Variants in OSMR observed in about 807,000 individuals in gnomAD.
OSMR encodes the protein oncostatin-M-specific receptor subunit beta.
Under a neutral mutation model 99.9 loss-of-function variants are expected in OSMR, and 81 were observed. The observed-to-expected ratio is 0.81, with a 90% CI of 0.68 to 0.97. OSMR has a LOEUF of 0.97. OSMR is among the 50% of genes least tolerant of loss of function. OSMR has a pLI of 0.00. For synonymous variants in OSMR, 406 were observed against 410.4 expected (o/e 0.99, Z 0.13); for missense variants, 1,099 against 1,153.4 (o/e 0.95, Z 0.68).
Position 38,856,422 on chromosome 5 carries a change from C to T in OSMR, c.-14+10035C>T, listed in dbSNP as rs368152039. 9.2e-5 allele frequency among the ~76,000 whole-genome samples: 14 copies of T among 152,282 alleles called. No individual in the cohort carries two copies. The South Asian group carries it at 2.9e-3, about 32-fold the overall frequency. ...TCCTCAGGTGGCCTGGGGCCTGAAA[C>T]ACAGGGGGTGGCCTTGTCCAGTCCC... On this transcript the variant is annotated intron_variant, in intron 1 of 17. Transcript: ENST00000274276.
chr5:38,923,291 C>A, intron 13 of OSMR, 37 bp downstream of exon 13: 2 of 1,261,182 alleles, frequency 1.6e-6, no homozygotes, highest in Non-Finnish European at 2.3e-6. Context: ...CATGTGCAGA[C>A]TTGTTCAGAA....
chr5:38,853,033 A>G (rs1410486515), intron 1 of OSMR, among the ~76,000 whole-genome samples: 2 of 152,056 alleles, frequency 1.3e-5, no homozygotes, highest in Admixed American at 6.5e-5. Flanking sequence ...GCCCGGCCCT[A>G]TTGTTTTCAT....
chr5:38,944,047 A>T (rs1326263890), intron 1 of OSMR, among the ~76,000 whole-genome samples: 1 of 152,204 alleles, frequency 6.6e-6, no homozygotes, highest in African/African-American at 2.4e-5. Context: ...ATTAACTACT[A>T]TATTAGAAAT....
chr5:38,886,291 C>T (rs1384267666), intron 7 of OSMR, 101 bp downstream of exon 7: 41 of 1,597,384 alleles, frequency 2.6e-5, no homozygotes, highest in Admixed American at 1.7e-5. Context: ...GCCTCATTCA[C>T]AGCGGAGGTG....
In OSMR at chr5:38,904,362, T is replaced by A. The variant is rs1745093378; in HGVS notation, c.1144T>A (p.Ser382Thr). Residue 382 changes from serine to threonine, a missense_variant, in exon 9 of 18, where the codon TCC becomes ACC. By Grantham distance (58) the Ser-to-Thr change is moderately conservative. Coordinates refer to ENST00000274276, the MANE Select transcript of OSMR (RefSeq NM_003999.3). ...TTTTTTGATCAAGCAGTACAATGTTTCCATCAAGGTGAACGGTGAGTACTT... is the reference window on the plus strand; with the variant it reads ...TTTTTTGATCAAGCAGTACAATGTTACCATCAAGGTGAACGGTGAGTACTT... The part of the protein sequence containing the change: ...GEGKMMQYNV[S>T]IKVNGEYFLS... The A allele has an allele frequency of 6.2e-7, 1 of 1,613,882 alleles. No homozygotes were observed. Among genetic ancestry groups the A allele is most frequent in the African/African-American group, 1.3e-5 (1 of 74,924 alleles).
At chr5:38,880,480 T>C (rs1743191930) in intron 3 of OSMR, among the ~76,000 whole-genome samples, 1 of 152,216 alleles carries the variant, frequency 6.6e-6, no homozygotes, top group African/African-American at 2.4e-5. Context: ...GGGACCATGC[T>C]AGAGTCACAG....
Position 38,881,671 on chromosome 5 carries a change from A to G in OSMR, c.325A>G (p.Thr109Ala), listed in dbSNP as rs1276951860. 1 of 1,614,240 alleles carries G rather than the reference A, an allele frequency of 6.2e-7. No individual in the cohort carries two copies. Among genetic ancestry groups the G allele is most frequent in the South Asian group, 1.1e-5 (1 of 91,078 alleles). The change falls in exon 4 of 18, where the codon ACA (threonine) becomes GCA (alanine). Residue 109 changes from threonine to alanine, a missense_variant. Transcript: ENST00000274276. ...ATCTGAGCTCCCTTTGGAATGTGCC[A>G]CACACTTTGTAAGAATAAAGAGTTT... ...WESELPLECATHFVRIKSLVD... is the reference protein window; with the variant it reads ...WESELPLECAAHFVRIKSLVD...
At chr5:38,922,433 G>A (rs997903864) in intron 12 of OSMR, among the ~76,000 whole-genome samples, 4 of 152,204 alleles carry the variant, frequency 2.6e-5, no homozygotes, top group African/African-American at 9.7e-5. Context: ...GGGAAATGAG[G>A]AAGTGGAAGC....
downstream of OSMR, among the ~76,000 whole-genome samples, chr5:38,936,661 C>CTGTT (rs927640869): frequency 6.6e-6 from 1 of 152,170 alleles, no homozygotes; most frequent in African/African-American, 2.4e-5. Context: ...TCTAAGAGTT[C>CTGTT]TGTTGAAAGA....
rs956927686 is a variant in OSMR, at chr5:38,886,356, C to T, written c.991+166C>T. ...CCACGTTTCTCCTCATGGATGCACG[C>T]ATCCCCTATTATTTGTTTCTTTTAA... On this transcript the variant is annotated intron_variant, in intron 7 of 17. Coordinates refer to ENST00000274276, the MANE Select transcript of OSMR (RefSeq NM_003999.3). 5 of 1,442,178 alleles carry T rather than the reference C, an allele frequency of 3.5e-6. No individual in the cohort carries two copies. The Admixed American group carries it at 1.1e-4, about 32-fold the overall frequency. The allele number at this position is 1,442,178 out of a possible 1,614,324, so 89.3% of individuals were successfully genotyped here.
chr5:38,870,741 GA>G (rs1251805789), intron 2 of OSMR, among the ~76,000 whole-genome samples: 1 of 152,226 alleles, frequency 6.6e-6, no homozygotes, highest in East Asian at 1.9e-4. Flanking sequence ...TGCAGTGGCA[GA>G]AGTGAGCAGG....
intron 7 of OSMR, 40 bp from the exon 8 acceptor site, chr5:38,903,842 A>G (rs532908903): frequency 4.4e-6 from 7 of 1,588,874 alleles, no homozygotes; most frequent in East Asian, 2.2e-5. Flanking sequence ...TTTTGGATCT[A>G]TGCTTGAATT....
intron 9 of OSMR, among the ~76,000 whole-genome samples, chr5:38,908,699 A>C (rs1745395253): frequency 6.6e-6 from 1 of 152,180 alleles, no homozygotes; most frequent in Admixed American, 6.5e-5. Flanking sequence ...AGTCAACTGA[A>C]CCCATCTTAT....
At chr5:38,924,310 A>G in intron 13 of OSMR, 112 bp from the exon 14 acceptor site, 1 of 1,567,870 alleles carries the variant, frequency 6.4e-7, no homozygotes, top group Non-Finnish European at 8.6e-7. Context: ...TTAACTTGGC[A>G]TAAGCTGTTA....
In OSMR at chr5:38,876,212, C is replaced by A. The variant is rs200962324; in HGVS notation, c.85C>A (p.Arg29Ser). 6.2e-7 allele frequency: 1 copy of A among 1,612,380 alleles called. No individual in the cohort carries two copies. Among genetic ancestry groups the A allele is most frequent in the South Asian group, 1.1e-5 (1 of 91,004 alleles). The change falls in exon 3 of 18, where the codon CGT (arginine) becomes AGT (serine). Residue 29 changes from arginine to serine, a missense_variant. Physicochemically the swap from Arg to Ser is moderately radical, Grantham distance 110. Coordinates refer to ENST00000274276, the MANE Select transcript of OSMR (RefSeq NM_003999.3). ...RTYQSEVLAE[R>S]LPLTPVSLKV... ...TTTGATCTTTTCAGTCTTGGCTGAA[C>A]GTTTACCATTGACTCCTGTATCACT...
chr5:38,919,588 G>C (rs1746128653), intron 11 of OSMR: 1 of 310,464 alleles, frequency 3.2e-6, no homozygotes, highest in Non-Finnish European at 6.2e-6. Context: ...AAACAAGGTG[G>C]AATGCCCTTA....
intron 1 of OSMR, among the ~76,000 whole-genome samples, chr5:38,853,751 C>T (rs979681101): frequency 2.6e-5 from 4 of 152,088 alleles, no homozygotes; most frequent in Non-Finnish European, 4.4e-5. Flanking sequence ...CTGAATGTTG[C>T]GTTTTTAAAA....
chr5:38,862,391 C>T (rs1579641969), intron 1 of OSMR, among the ~76,000 whole-genome samples: 1 of 37,296 alleles, frequency 2.7e-5, no homozygotes, highest in Non-Finnish European at 4.9e-5. Flanking sequence ...CCCTCACCTC[C>T]CGGATGGGGC....
intron 11 of OSMR, among the ~76,000 whole-genome samples, chr5:38,920,648 T>A (rs2112647116): frequency 6.6e-6 from 1 of 152,278 alleles, no homozygotes; most frequent in African/African-American, 2.4e-5. Flanking sequence ...AATGAATCAG[T>A]GGTTTTCACA....
Sources: gnomAD v4.1 joint callset for allele counts (sites outside exome capture counted in the v4.1 genomes callset) on GRCh38, gnomAD v4.1.1 for gene constraint, MANE v1.5 for transcripts, NCBI Gene and HGNC (gene_info 2026-07-23, HGNC 2026-07-21) for gene names.